The following IGLL5 variants were observed in gnomAD, a reference collection of about 807,000 sequenced individuals.
IGLL5 encodes the protein immunoglobulin lambda like polypeptide 5.
A neutral mutation model predicts 20.9 loss-of-function variants in IGLL5; 30 were observed. That is an observed-to-expected ratio of 1.44 (90% CI 1.07 to 1.95). The LOEUF (loss-of-function observed/expected upper bound fraction) is 1.95, where lower values mean the gene tolerates loss of function less well. Ranked by LOEUF, IGLL5 falls within the 30% of genes most tolerant of loss-of-function variation. The pLI is 0.00. For missense variants in IGLL5, 475 were observed against 270.7 expected, an observed-to-expected ratio of 1.75 and a Z score of -5.30; for synonymous variants, 203 against 117.3, an observed-to-expected ratio of 1.73 and a Z score of -4.72.
rs1249397295 is a variant in IGLL5 at position 22,894,593 on chromosome 22, A to G, written c.325+775A>G. Reference sequence around the variant, plus strand: ...TCAAAGGGCATGTTAGACTCAGGAAATGACCAGAGGGGAGTGAATGAGGGG... The same window carrying G: ...TCAAAGGGCATGTTAGACTCAGGAAGTGACCAGAGGGGAGTGAATGAGGGG... On this transcript the variant is annotated intron_variant, in intron 2 of 2. Coordinates refer to ENST00000526893, the MANE Select transcript of IGLL5 (RefSeq NM_001178126.2). Among the ~76,000 whole-genome samples, 9 of 151,288 alleles carry G rather than the reference A, an allele frequency of 5.9e-5. 1 individual carries two copies. In the South Asian group the frequency reaches 1.0e-3, roughly 18 times the overall value.
chr22:22,894,217 C>G (rs2068000629), intron 2 of IGLL5, among the ~76,000 whole-genome samples: 8 of 151,232 alleles, frequency 5.3e-5, no homozygotes, highest in South Asian at 2.1e-4. Context: ...GTCTCATAGT[C>G]TAGGGGAGCA....
intron 2 of IGLL5, 99 bp downstream of exon 2, chr22:22,893,917 C>T (rs570714802): frequency 2.8e-5 from 24 of 853,154 alleles, no homozygotes; most frequent in Middle Eastern, 2.2e-4. Flanking sequence ...GTCCTCCCAG[C>T]CTTAAGCACT....
chr22:22,894,163 G>C (rs546613340), intron 2 of IGLL5, among the ~76,000 whole-genome samples: 1 of 151,510 alleles, frequency 6.6e-6, no homozygotes, highest in African/African-American at 2.4e-5. Flanking sequence ...GTGACTCCTG[G>C]GGTCAAGGAC....
At chr22:22,888,382 A>G (rs2067589182) in intron 1 of IGLL5, 123 bp downstream of exon 1, 2 of 796,014 alleles carry the variant, frequency 2.5e-6, no homozygotes, top group East Asian at 2.7e-5. Context: ...GCCTGGGCTG[A>G]CACTGGCTTT....
chr22:22,894,485 G>A (rs2066659923), intron 2 of IGLL5, among the ~76,000 whole-genome samples: 1 of 151,482 alleles, frequency 6.6e-6, no homozygotes, highest in Middle Eastern at 3.7e-3. Context: ...CAGTCTCTTA[G>A]GGCAGAGATG....
At chr22:22,889,546 T>C (rs2067731770) in intron 1 of IGLL5, among the ~76,000 whole-genome samples, 1 of 151,136 alleles carries the variant, frequency 6.6e-6, no homozygotes, top group Admixed American at 6.6e-5. Context: ...AATCCAAATA[T>C]CTACCAGAAA....
At chr22:22,888,950 G>A (rs9623962) in intron 1 of IGLL5, among the ~76,000 whole-genome samples, 13 of 151,328 alleles carry the variant, frequency 8.6e-5, no homozygotes, top group East Asian at 4.0e-4. Context: ...AGACAGAGCA[G>A]CGTCAGAGGA....
rs572045443 is a variant in IGLL5, at chr22:22,893,877, G to T, written c.325+59G>T. On this transcript the variant is annotated intron_variant, in intron 2 of 2. Coordinates refer to ENST00000526893, the MANE Select transcript of IGLL5 (RefSeq NM_001178126.2). ...ACCCTCTGCTGTCCCTGGAAAATCT[G>T]TTTTCTCTCTCTGGGGCTTCCTCCC... is the stretch of plus-strand genomic sequence containing the variant. 5 of 1,192,872 alleles carry T rather than the reference G, an allele frequency of 4.2e-6. 1 individual carries two copies. The highest frequency in any genetic ancestry group is 1.5e-5 in the African/African-American group (1 of 66,678). The allele number at this position is 1,192,872 out of a possible 1,614,324, so 73.9% of individuals were successfully genotyped here.
chr22:22,888,794 A>T (rs570287666), intron 1 of IGLL5, among the ~76,000 whole-genome samples: 7 of 151,298 alleles, frequency 4.6e-5, no homozygotes, highest in South Asian at 4.2e-4. Context: ...GGAGGGTGGG[A>T]TGAACCGAGG....
chr22:22,894,103 G>C (rs571378731), intron 2 of IGLL5, among the ~76,000 whole-genome samples: 3 of 151,512 alleles, frequency 2.0e-5, no homozygotes, highest in Middle Eastern at 3.8e-3. Context: ...GTGAGGGACA[G>C]AGGCTGGTTC....
rs2067554716 is a variant in IGLL5 at position 22,887,954 on chromosome 22, T to G, written c.-100T>G. The stretch of plus-strand genomic sequence containing the variant: ...AGAGGACAGAGCCAATGGACTGGGG[T>G]GTACTGTAACAGCCCTGCTGGCGAG... On this transcript the variant is annotated 5_prime_UTR_variant, in exon 1 of 3. Transcript: ENST00000526893. 2 of 909,616 alleles carry G rather than the reference T, an allele frequency of 2.2e-6. No homozygotes were observed. 56.3% of individuals were successfully genotyped at this position (909,616 alleles called of 1,614,324 possible).
intron 1 of IGLL5, among the ~76,000 whole-genome samples, chr22:22,891,827 T>C (rs185594742): frequency 3.5e-4 from 53 of 151,404 alleles, no homozygotes; most frequent in African/African-American, 1.2e-3. Context: ...AGGAACCCTA[T>C]TAACTTTTCT....
At chr22:22,893,996 T>C (rs2067963755) in intron 2 of IGLL5, among the ~76,000 whole-genome samples, 178 bp downstream of exon 2, 4 of 150,306 alleles carry the variant, frequency 2.7e-5, no homozygotes, top group South Asian at 2.2e-4. Context: ...AGGAAGGGCC[T>C]CCACAGTGGG....
At chr22:22,888,771 C>T (rs1207410729) in intron 1 of IGLL5, among the ~76,000 whole-genome samples, 1 of 151,322 alleles carries the variant, frequency 6.6e-6, no homozygotes. Context: ...TGGGGCCAGG[C>T]TCAAGGACAC....
intron 1 of IGLL5, among the ~76,000 whole-genome samples, chr22:22,892,642 G>A (rs1446485763): frequency 6.6e-6 from 1 of 150,852 alleles, no homozygotes. Flanking sequence ...TGAGTTGGAG[G>A]TGTCTACAGG....
chr22:22,889,554 A>G (rs2067732624), intron 1 of IGLL5, among the ~76,000 whole-genome samples: 1 of 151,196 alleles, frequency 6.6e-6, no homozygotes, highest in African/African-American at 2.4e-5. Flanking sequence ...TATCTACCAG[A>G]AAGGGTGTGA....
At chr22:22,894,585 C>T (rs189091647) in intron 2 of IGLL5, among the ~76,000 whole-genome samples, 2 of 151,422 alleles carry the variant, frequency 1.3e-5, no homozygotes, top group Admixed American at 1.3e-4. Context: ...GCATGTTAGA[C>T]TCAGGAAATG....
chr22:22,894,669 C>T (rs1482612073), intron 2 of IGLL5, among the ~76,000 whole-genome samples: 2 of 151,258 alleles, frequency 1.3e-5, no homozygotes, highest in Admixed American at 6.6e-5. Context: ...TCACAGGCTG[C>T]TGGGGTGGGC....
intron 1 of IGLL5, among the ~76,000 whole-genome samples, chr22:22,888,879 G>C: frequency 1.3e-5 from 2 of 151,414 alleles, no homozygotes; most frequent in East Asian, 2.0e-4. Flanking sequence ...CTCCCTCTGG[G>C]ATGATGCCCA....
Sources: gnomAD v4.1 joint callset for allele counts (sites outside exome capture counted in the v4.1 genomes callset) on GRCh38, gnomAD v4.1.1 for gene constraint, MANE v1.5 for transcripts, NCBI Gene and HGNC (gene_info 2026-07-23, HGNC 2026-07-21) for gene names.